F11R: variants seen among roughly 807,000 people sequenced by gnomAD.
The protein encoded by F11R is F11 receptor.
F11R carries 27 observed loss-of-function variants against 39.3 expected under a neutral mutation model. That is an observed-to-expected ratio of 0.69 (90% CI 0.51 to 0.95). The LOEUF (loss-of-function observed/expected upper bound fraction) is 0.95, where lower values mean the gene tolerates loss of function less well. Among genes scored for constraint, F11R ranks in the 40% least tolerant of loss-of-function variants. The pLI, the probability that F11R is intolerant of heterozygous loss-of-function variation, is 0.00. For missense variants in F11R, 335 were observed against 372.7 expected, an observed-to-expected ratio of 0.90 and a Z score of 0.83; for synonymous variants, 131 against 144.9, an observed-to-expected ratio of 0.90 and a Z score of 0.69.
intron 1 of F11R, among the ~76,000 whole-genome samples, chr1:161,006,209 A>C (rs1209066621): frequency 6.6e-6 from 1 of 151,712 alleles, no homozygotes; most frequent in Non-Finnish European, 1.5e-5. Context: ...CTGAGGCCTC[A>C]CCAAGACTAT....
chr1:161,004,111 G>A (rs1006351993), intron 1 of F11R, among the ~76,000 whole-genome samples: 1 of 151,938 alleles, frequency 6.6e-6, no homozygotes, highest in African/African-American at 2.4e-5. Context: ...TGTCCAGGCT[G>A]GAATTTCTTT....
rs760345653 is a variant in F11R, at chr1:160,999,604, C to A, written c.802+36G>T. 7.0e-6 allele frequency: 11 copies of A among 1,582,216 alleles called. No individual in the cohort carries two copies. In the East Asian group the frequency reaches 2.5e-4, roughly 35 times the overall value. On this transcript the variant is annotated intron_variant, in intron 7 of 9. Coordinates refer to ENST00000368026, the MANE Select transcript of F11R (RefSeq NM_016946.6). The stretch of plus-strand genomic sequence containing the variant: ...CCCATGCCAGGCCCTGGGATGGGGG[C>A]AGTACAAAGGAGAGCCTCTGGGGGC...
rs1648423081 is a variant in F11R, at chr1:161,000,653, G to C, written c.366C>G (p.Val122=). 1 of 1,614,116 alleles carries C rather than the reference G, an allele frequency of 6.2e-7. No individual in the cohort carries two copies. The highest frequency in any genetic ancestry group is 1.1e-5 in the South Asian group (1 of 91,064). The change falls in exon 4 of 10, where the codon GTC becomes GTG. Residue 122 remains valine (V), a synonymous_variant. Coordinates refer to ENST00000368026, the MANE Select transcript of F11R (RefSeq NM_016946.6). ...TACCAAGCACGATGAGCTTGACCTT[G>C]ACCTCCCCATAGCTGTTGCCGCCTT... ...SEEGGNSYGE[V]KVKLIVLVPP...
chr1:161,015,879 C>T, intron 1 of F11R, among the ~76,000 whole-genome samples: 1 of 151,866 alleles, frequency 6.6e-6, no homozygotes, highest in East Asian at 1.9e-4. Flanking sequence ...ATGAGATACC[C>T]CACCCCTTTG....
At chr1:161,019,593 C>CAAAA (rs1055209744) in intron 1 of F11R, among the ~76,000 whole-genome samples, 3 of 47,938 alleles carry the variant, frequency 6.3e-5, no homozygotes, top group African/African-American at 2.2e-4. Flanking sequence ...AACTCTAACT[C>CAAAA]AAAAAAAAAA....
chr1:161,021,050 C>T lies in F11R; in HGVS notation c.24G>A (p.Glu8=). The change falls in exon 1 of 10, where the codon GAG becomes GAA. Residue 8 remains glutamate (E), a synonymous_variant. Transcript: ENST00000368026. ...ATATGAAGAGGCACAACAGTTTCCT[C>T]TCGACTTGCGCCTTTGTCCCCATCG... MGTKAQV[E]RKLLCLFILA... 1 of 1,613,978 alleles carries T rather than the reference C, an allele frequency of 6.2e-7. No individual in the cohort carries two copies. The highest frequency in any genetic ancestry group is 8.5e-7 in the Non-Finnish European group (1 of 1,179,904).
chr1:161,000,696 G>A lies in F11R; in HGVS notation c.323C>T (p.Thr108Ile), dbSNP rs1407067588. 2 of 1,614,190 alleles carry A rather than the reference G, an allele frequency of 1.2e-6. No homozygotes were observed. The highest frequency in any genetic ancestry group is 8.5e-7 in the Non-Finnish European group (1 of 1,180,030). The stretch of plus-strand genomic sequence containing the variant: ...GCCGCCTTCCTCAGAGACCATACAA[G>A]TGTATGTCCCAGTGTCTTCCCGTGT... ...SVTREDTGTY[T>I]CMVSEEGGNS... Residue 108 changes from threonine (T) to isoleucine (I), a missense_variant, in exon 4 of 10, where the codon ACT (threonine) becomes ATT (isoleucine). By Grantham distance (89) the Thr-to-Ile change is moderately conservative. Transcript: ENST00000368026.
Position 160,998,155 on chromosome 1 carries a change from G to A in F11R, c.*716C>T, listed in dbSNP as rs923097106. 2.0e-5 allele frequency: 3 copies of A among 152,576 alleles called. No homozygotes were observed. Among genetic ancestry groups the A allele is most frequent in the African/African-American group, 4.8e-5 (2 of 41,450 alleles). The allele number at this position is 152,576 out of a possible 1,614,324, so 9.5% of individuals were successfully genotyped here. A position where few individuals can be genotyped will look rare whatever the true frequency, so the allele number is the denominator to read the frequency against. On this transcript the variant is annotated 3_prime_UTR_variant, in exon 10 of 10. Coordinates refer to ENST00000368026, the MANE Select transcript of F11R (RefSeq NM_016946.6). ...CCTCAGCCTCTGGGATTATAGGCGT[G>A]AGCCACTGCGCCCAGCCTCCAGTTT...
intron 1 of F11R, among the ~76,000 whole-genome samples, chr1:161,019,466 A>C (rs1424398286): frequency 6.6e-6 from 1 of 151,864 alleles, no homozygotes; most frequent in Non-Finnish European, 1.5e-5. Flanking sequence ...GTGATGGTGC[A>C]TGCCTGTAAT....
chr1:161,003,732 A>G (rs1371117169), intron 1 of F11R, among the ~76,000 whole-genome samples: 2 of 151,758 alleles, frequency 1.3e-5, no homozygotes, highest in Non-Finnish European at 2.9e-5. Flanking sequence ...GCCCGCCACT[A>G]CGCCTAGCTA....
intron 1 of F11R, among the ~76,000 whole-genome samples, chr1:161,010,058 T>TAAA (rs11443926): frequency 7.6e-5 from 11 of 145,230 alleles, no homozygotes; most frequent in Non-Finnish European, 1.5e-4. Context: ...ACTAAACTCT[T>TAAA]AAAAAAAAAA....
At chr1:160,999,789 T>C in intron 6 of F11R, 42 bp from the exon 7 acceptor site, 1 of 1,607,740 alleles carries the variant, frequency 6.2e-7, no homozygotes, top group Non-Finnish European at 8.5e-7. Flanking sequence ...GGATACTCAC[T>C]CACGGCACCT....
At chr1:161,001,225 G>T in intron 2 of F11R, 60 bp downstream of exon 2, 1 of 1,600,756 alleles carries the variant, frequency 6.2e-7, no homozygotes, top group Non-Finnish European at 8.6e-7. Context: ...GTGCTCTCTA[G>T]ATCCCCAGGC....
intron 1 of F11R, among the ~76,000 whole-genome samples, chr1:161,011,205 G>A (rs374797257): frequency 6.6e-6 from 1 of 151,300 alleles, no homozygotes; most frequent in Admixed American, 6.6e-5. Context: ...GCTAATTTTT[G>A]TACTTTTGAT....
At chr1:161,009,375 C>T (rs1349037017) in intron 1 of F11R, among the ~76,000 whole-genome samples, 1 of 151,756 alleles carries the variant, frequency 6.6e-6, no homozygotes, top group African/African-American at 2.4e-5. Context: ...GTATCCCACA[C>T]TTAGCATAAT....
At chr1:160,999,267 TATCCAA>T in intron 8 of F11R, 123 bp downstream of exon 8, 1 of 1,451,738 alleles carries the variant, frequency 6.9e-7, no homozygotes, top group South Asian at 1.1e-5. Flanking sequence ...AAGGGCTGGA[TATCCAA>T]ATGCCTTCCC....
At position 160,996,315 on chromosome 1, in the gene F11R, C is replaced by T. The variant is rs546974354; in HGVS notation, c.*2556G>A. 3.9e-5 allele frequency: 6 copies of T among 152,440 alleles called. No individual in the cohort carries two copies. In the South Asian group the frequency reaches 1.2e-3, roughly 32 times the overall value. The allele number at this position is 152,440 out of a possible 1,614,324, so 9.4% of individuals were successfully genotyped here. A position where few individuals can be genotyped will look rare whatever the true frequency, so the allele number is the denominator to read the frequency against. On this transcript the variant is annotated 3_prime_UTR_variant, in exon 10 of 10. Coordinates refer to ENST00000368026, the MANE Select transcript of F11R (RefSeq NM_016946.6). ...CTAGAGAAGTAAATTCCAAGGCTGGCAATAACTGACTCATATTCTTCACAA... is the reference window on the plus strand; with the variant it reads ...CTAGAGAAGTAAATTCCAAGGCTGGTAATAACTGACTCATATTCTTCACAA...
At chr1:161,008,426 C>T (rs1423527871) in intron 1 of F11R, among the ~76,000 whole-genome samples, 6 of 151,846 alleles carry the variant, frequency 4.0e-5, no homozygotes, top group East Asian at 1.9e-4. Context: ...GGCGTGAACC[C>T]GGGAGGTGGA....
intron 7 of F11R, 87 bp downstream of exon 7, chr1:160,999,553 G>C: frequency 1.3e-6 from 2 of 1,501,666 alleles, no homozygotes; most frequent in Non-Finnish European, 1.9e-6. Flanking sequence ...CATGAGCACA[G>C]TATCAGGGTC....
Sources: allele counts gnomAD v4.1 joint callset (sites outside exome capture counted in the v4.1 genomes callset), GRCh38; gene constraint gnomAD v4.1.1; transcripts MANE v1.5; gene names NCBI Gene and HGNC (gene_info 2026-07-23, HGNC 2026-07-21).